Variants in SDK1 observed in about 807,000 individuals in gnomAD.
The protein encoded by SDK1 is sidekick cell adhesion molecule 1.
A neutral mutation model predicts 245.5 loss-of-function variants in SDK1; 157 were observed. The ratio of observed to expected loss-of-function variants is 0.64; its 90% CI spans 0.56 to 0.73. The LOEUF (loss-of-function observed/expected upper bound fraction) is 0.73. Among genes scored for constraint, SDK1 ranks in the 30% least tolerant of loss-of-function variants. SDK1 has a pLI of 0.00. For synonymous variants in SDK1, 1,647 were observed against 1,278.5 expected (o/e 1.29, Z -6.15); for missense variants, 3,583 against 3,002.3 (o/e 1.19, Z -4.52).
intron 4 of SDK1, among the ~76,000 whole-genome samples, chr7:3,819,026 C>T (rs780046710): frequency 2.4e-4 from 37 of 152,154 alleles, no homozygotes; most frequent in Non-Finnish European, 5.1e-4. Context: ...ATATGGTTTT[C>T]TTCTTAAGGT....
chr7:4,161,613 C>T (rs981151487), intron 31 of SDK1, among the ~76,000 whole-genome samples, 173 bp from the exon 32 acceptor site: 3 of 152,092 alleles, frequency 2.0e-5, no homozygotes, highest in African/African-American at 7.2e-5. Flanking sequence ...CGAGGACAGG[C>T]TTTGAAGGAG....
At chr7:3,570,360 C>G (rs1256673914) in intron 1 of SDK1, among the ~76,000 whole-genome samples, 1 of 152,144 alleles carries the variant, frequency 6.6e-6, no homozygotes, top group Admixed American at 6.5e-5. Context: ...AAATCAAACG[C>G]CGCCTCTGAC....
intron 1 of SDK1, among the ~76,000 whole-genome samples, chr7:3,519,601 T>C (rs59228270): frequency 0.26 from 39,430 of 151,990 alleles, 5,303 homozygotes; most frequent in East Asian, 0.33. Flanking sequence ...GGTACTGTTA[T>C]ACCAGTTTTA....
chr7:4,063,597 C>CAAAAAAAAAAAAAAAAAA (rs35423286), intron 19 of SDK1, among the ~76,000 whole-genome samples: 1 of 125,158 alleles, frequency 8.0e-6, no homozygotes, highest in African/African-American at 2.9e-5. Context: ...ACAGAAATAG[C>CAAAAAAAAAAAAAAAAAA]AAAAAAAAAA....
chr7:3,738,738 G>C lies in SDK1; in HGVS notation c.714-82712G>C, dbSNP rs114632689. ...TTTTGTAGTTTTCATAGTATGAGTC[G>C]TTTGCCTCCTTTCTTAAGTTTATTT... On this transcript the variant is annotated intron_variant, in intron 4 of 44. Coordinates refer to ENST00000404826, the MANE Select transcript of SDK1 (RefSeq NM_152744.4). Among the ~76,000 whole-genome samples, 314 of 151,900 alleles carry C rather than the reference G, an allele frequency of 2.1e-3. 2 individuals are homozygous for C. Among genetic ancestry groups the C allele is most frequent in the African/African-American group, 7.3e-3 (301 of 41,444 alleles).
chr7:3,848,951 T>G (rs530379818), intron 5 of SDK1, among the ~76,000 whole-genome samples: 28 of 152,316 alleles, frequency 1.8e-4, no homozygotes, highest in Non-Finnish European at 3.5e-4. Context: ...ATTACAGGCG[T>G]GAGCCGCCGC....
chr7:3,361,345 A>C (rs1444059693), intron 1 of SDK1, among the ~76,000 whole-genome samples: 1 of 152,212 alleles, frequency 6.6e-6, no homozygotes, highest in East Asian at 1.9e-4. Context: ...CATTTCTATC[A>C]TAGGACCTCT....
intron 36 of SDK1, among the ~76,000 whole-genome samples, chr7:4,206,438 G>A (rs1224129527): frequency 3.3e-5 from 5 of 152,180 alleles, no homozygotes; most frequent in Non-Finnish European, 7.4e-5. Context: ...TGAGTCCCTT[G>A]ATTCGGTCGG....
intron 2 of SDK1, among the ~76,000 whole-genome samples, chr7:3,620,904 C>T (rs1583236175): frequency 6.6e-6 from 1 of 152,130 alleles, no homozygotes; most frequent in Admixed American, 6.5e-5. Context: ...AGGATCTACA[C>T]TCGAGGAAAA....
At chr7:4,095,562 A>T (rs35898917) in intron 22 of SDK1, among the ~76,000 whole-genome samples, 25 of 151,680 alleles carry the variant, frequency 1.6e-4, no homozygotes, top group African/African-American at 4.8e-4. Context: ...ATTTATTTTT[A>T]ATTTTTATTT....
At chr7:3,907,302 C>A (rs967142985) in intron 5 of SDK1, among the ~76,000 whole-genome samples, 1 of 152,180 alleles carries the variant, frequency 6.6e-6, no homozygotes, top group Non-Finnish European at 1.5e-5. Flanking sequence ...CCTCCCCTTT[C>A]GCCACTGGTA....
chr7:3,890,644 TAAA>T (rs751434855), intron 5 of SDK1, among the ~76,000 whole-genome samples: 4 of 142,688 alleles, frequency 2.8e-5, no homozygotes, highest in African/African-American at 5.1e-5. Flanking sequence ...TTGCTGTGGT[TAAA>T]AAAAAAAAAA....
chr7:3,365,669 G>A (rs2128561785), intron 1 of SDK1, among the ~76,000 whole-genome samples: 1 of 152,170 alleles, frequency 6.6e-6, no homozygotes, highest in Non-Finnish European at 1.5e-5. Flanking sequence ...TTTTTTTGAA[G>A]GGCATAGTCC....
At chr7:3,569,125 G>A (rs189534369) in intron 1 of SDK1, among the ~76,000 whole-genome samples, 164 of 150,468 alleles carry the variant, frequency 1.1e-3, no homozygotes, top group Non-Finnish European at 2.0e-3. Flanking sequence ...TTTATATCTC[G>A]CTTAGTTTTA....
chr7:3,447,541 C>T (rs1476670197), intron 1 of SDK1, among the ~76,000 whole-genome samples: 2 of 152,036 alleles, frequency 1.3e-5, no homozygotes, highest in Non-Finnish European at 1.5e-5. Context: ...ATGTATAGAA[C>T]AGAATCACTT....
intron 5 of SDK1, among the ~76,000 whole-genome samples, chr7:3,852,368 C>G (rs1353148772): frequency 6.6e-6 from 1 of 152,028 alleles, no homozygotes; most frequent in Non-Finnish European, 1.5e-5. Flanking sequence ...CGTGCTGTCA[C>G]TAGCCATCAC....
At chr7:3,370,890 C>A (rs1191847097) in intron 1 of SDK1, among the ~76,000 whole-genome samples, 1 of 152,110 alleles carries the variant, frequency 6.6e-6, no homozygotes, top group Non-Finnish European at 1.5e-5. Flanking sequence ...ACCTGCTCCT[C>A]CTCTGTCTCC....
At chr7:3,526,291 G>C (rs897188955) in intron 1 of SDK1, among the ~76,000 whole-genome samples, 1 of 151,816 alleles carries the variant, frequency 6.6e-6, no homozygotes, top group Non-Finnish European at 1.5e-5. Context: ...TTACTGTCCA[G>C]TTTTACATAT....
At chr7:3,582,683 TAA>T (rs71029682) in intron 1 of SDK1, among the ~76,000 whole-genome samples, 17,688 of 69,376 alleles carry the variant, frequency 0.25, 1,577 homozygotes, top group South Asian at 0.31. Context: ...TAAACTAAAG[TAA>T]AAAAAAAAAA....
Sources: gnomAD v4.1 joint callset for allele counts (sites outside exome capture counted in the v4.1 genomes callset) on GRCh38, gnomAD v4.1.1 for gene constraint, MANE v1.5 for transcripts, NCBI Gene and HGNC (gene_info 2026-07-23, HGNC 2026-07-21) for gene names.